The following VPS13B variants were observed in gnomAD, a reference collection of about 807,000 sequenced individuals.
VPS13B encodes vacuolar protein sorting 13 homolog B.
In VPS13B, 285 loss-of-function variants were observed where a neutral mutation model predicts 426.4. That is an observed-to-expected ratio of 0.67 (90% CI 0.61 to 0.74). The LOEUF is 0.74. Among genes scored for constraint, VPS13B ranks in the 30% least tolerant of loss-of-function variants. The pLI, the probability that VPS13B is intolerant of heterozygous loss-of-function variation, is 0.00. For missense variants in VPS13B, 4,537 were observed against 4,782.6 expected, an observed-to-expected ratio of 0.95 and a Z score of 1.51; for synonymous variants, 1,676 against 1,676.4, an observed-to-expected ratio of 1.00 and a Z score of 0.01.
chr8:99,492,976 G>A (rs550927588), intron 25 of VPS13B, among the ~76,000 whole-genome samples: 2 of 152,294 alleles, frequency 1.3e-5, no homozygotes, highest in East Asian at 1.9e-4. Flanking sequence ...GTAGGCTAGA[G>A]CTGTTCCTAT....
At chr8:99,614,720 A>G (rs1168206874) in intron 33 of VPS13B, among the ~76,000 whole-genome samples, 1 of 152,340 alleles carries the variant, frequency 6.6e-6, no homozygotes, top group East Asian at 1.9e-4. Flanking sequence ...ACAGAACTTT[A>G]TGCTTTCATT....
Position 99,468,729 on chromosome 8 carries a change from A to G in VPS13B, c.3666+1095A>G, listed in dbSNP as rs144154559. On this transcript the variant is annotated intron_variant, in intron 24 of 61. Coordinates refer to ENST00000357162, the MANE Select transcript of VPS13B (RefSeq NM_152564.5). The stretch of plus-strand genomic sequence containing the variant: ...AATAAAGCAAGACTCTTTCTCTTAA[A>G]ATTTTTTGTTTTGTTTTAATTCACT... 5.3e-3 allele frequency among the ~76,000 whole-genome samples: 813 copies of G among 152,220 alleles called. 5 individuals are homozygous for G. Among genetic ancestry groups the G allele is most frequent in the African/African-American group, 0.018 (756 of 41,544 alleles).
At chr8:99,740,256 G>A (rs935499260) in intron 39 of VPS13B, among the ~76,000 whole-genome samples, 1 of 152,218 alleles carries the variant, frequency 6.6e-6, no homozygotes, top group Admixed American at 6.5e-5. Context: ...AATGAAGTGA[G>A]AAGAGAAGTT....
intron 21 of VPS13B, among the ~76,000 whole-genome samples, chr8:99,410,471 T>C (rs1478674839): frequency 6.6e-6 from 1 of 152,122 alleles, no homozygotes; most frequent in African/African-American, 2.4e-5. Context: ...CCATGTTACC[T>C]CCTTTGTGGA....
At chr8:99,669,241 T>C (rs1830607051) in intron 35 of VPS13B, among the ~76,000 whole-genome samples, 2 of 151,076 alleles carry the variant, frequency 1.3e-5, no homozygotes, top group South Asian at 4.2e-4. Flanking sequence ...TTTTTAACCA[T>C]AGGATTCCTT....
chr8:99,555,534 G>A (rs1338385431), intron 30 of VPS13B, among the ~76,000 whole-genome samples: 1 of 151,536 alleles, frequency 6.6e-6, no homozygotes, highest in African/African-American at 2.4e-5. Flanking sequence ...ACTTTTATGG[G>A]GGCCAAAAGC....
intron 33 of VPS13B, among the ~76,000 whole-genome samples, chr8:99,616,347 G>C (rs973184788): frequency 1.3e-5 from 2 of 152,130 alleles, no homozygotes; most frequent in African/African-American, 4.8e-5. Context: ...ATGAGTAATA[G>C]ATGTATAAAG....
intron 27 of VPS13B, among the ~76,000 whole-genome samples, chr8:99,503,505 T>C (rs1232236728): frequency 1.3e-5 from 2 of 152,228 alleles, no homozygotes; most frequent in Non-Finnish European, 2.9e-5. Flanking sequence ...ACAGAACTTC[T>C]TTCAAAATTA....
At position 99,743,505 on chromosome 8, in the gene VPS13B, G is replaced by A. The variant is rs562743454; in HGVS notation, c.7050+22458G>A. Among the ~76,000 whole-genome samples, 122 of 152,150 alleles carry A rather than the reference G, an allele frequency of 8.0e-4. 2 individuals are homozygous for A. The highest frequency in any genetic ancestry group is 2.1e-3 in the African/African-American group (88 of 41,508). On this transcript the variant is annotated intron_variant, in intron 39 of 61. Transcript: ENST00000357162. The stretch of plus-strand genomic sequence containing the variant: ...TTCATATGGAACCAAAAAAGAGCCC[G>A]CATCGCCAAGTCAATCCTAAGCCAA...
At chr8:99,562,233 G>C (rs945694038) in intron 31 of VPS13B, among the ~76,000 whole-genome samples, 6 of 152,032 alleles carry the variant, frequency 3.9e-5, no homozygotes, top group Admixed American at 2.0e-4. Flanking sequence ...TTGGCTGTTT[G>C]TGTATTTTCT....
At chr8:99,359,721 T>G (rs1011546125) in intron 19 of VPS13B, among the ~76,000 whole-genome samples, 1 of 152,260 alleles carries the variant, frequency 6.6e-6, no homozygotes, top group African/African-American at 2.4e-5. Flanking sequence ...ATAGTAATTA[T>G]ACATTGAGTA....
At chr8:99,322,820 A>G (rs890172903) in intron 19 of VPS13B, among the ~76,000 whole-genome samples, 1 of 152,264 alleles carries the variant, frequency 6.6e-6, no homozygotes, top group Admixed American at 6.5e-5. Flanking sequence ...AGAAACAAAG[A>G]CACAAGGAAA....
At chr8:99,475,553 T>C (rs1819647745) in intron 24 of VPS13B, among the ~76,000 whole-genome samples, 1 of 152,220 alleles carries the variant, frequency 6.6e-6, no homozygotes, top group Non-Finnish European at 1.5e-5. Flanking sequence ...GTTTTGTGAT[T>C]TTTATGGTGT....
chr8:99,332,889 G>C (rs987333663), intron 19 of VPS13B, among the ~76,000 whole-genome samples: 1 of 151,472 alleles, frequency 6.6e-6, no homozygotes, highest in African/African-American at 2.4e-5. Flanking sequence ...TTTTTTTATA[G>C]CAGGGTGGTC....
intron 17 of VPS13B, among the ~76,000 whole-genome samples, chr8:99,238,536 C>T (rs1816755687): frequency 6.6e-6 from 1 of 151,966 alleles, no homozygotes; most frequent in Non-Finnish European, 1.5e-5. Context: ...AAGAACTTTT[C>T]CTCCAGTGTA....
chr8:99,124,730 C>T (rs892767358), intron 8 of VPS13B, among the ~76,000 whole-genome samples: 3 of 151,616 alleles, frequency 2.0e-5, no homozygotes, highest in African/African-American at 7.3e-5. Context: ...ACTAAAAATA[C>T]AAAAAGCTGG....
At chr8:99,668,189 G>A (rs1286247996) in intron 35 of VPS13B, among the ~76,000 whole-genome samples, 2 of 151,594 alleles carry the variant, frequency 1.3e-5, no homozygotes, top group Non-Finnish European at 2.9e-5. Context: ...TAGTAACAAT[G>A]AAAGTTATGA....
intron 19 of VPS13B, among the ~76,000 whole-genome samples, chr8:99,364,891 T>A (rs1331749073): frequency 1.3e-5 from 2 of 152,190 alleles, no homozygotes; most frequent in Admixed American, 6.5e-5. Context: ...AATTCAGCAG[T>A]CAAGCCATTT....
chr8:99,185,598 C>A (rs1381448053), intron 16 of VPS13B, among the ~76,000 whole-genome samples: 1 of 152,120 alleles, frequency 6.6e-6, no homozygotes, highest in Non-Finnish European at 1.5e-5. Flanking sequence ...CATTTTGGGA[C>A]TCTATATAAA....
Sources: allele counts gnomAD v4.1 joint callset (sites outside exome capture counted in the v4.1 genomes callset), GRCh38; gene constraint gnomAD v4.1.1; transcripts MANE v1.5; gene names NCBI Gene and HGNC (gene_info 2026-07-23, HGNC 2026-07-21).